Variants in PRKN observed in about 807,000 individuals in gnomAD.
The protein encoded by PRKN is E3 ubiquitin-protein ligase parkin.
PRKN carries 56 observed loss-of-function variants against 59.5 expected under a neutral mutation model. The observed-to-expected ratio is 0.94, with a 90% CI of 0.76 to 1.18. The LOEUF (loss-of-function observed/expected upper bound fraction) is 1.18, where lower values mean the gene tolerates loss of function less well. Ranked by LOEUF, PRKN falls within the 50% of genes most tolerant of loss-of-function variation. The pLI is 0.00. For synonymous variants in PRKN, 250 were observed against 222.1 expected (o/e 1.13, Z -1.12); for missense variants, 657 against 596.4 (o/e 1.10, Z -1.06).
intron 3 of PRKN, among the ~76,000 whole-genome samples, chr6:162,235,961 G>GAAAGAAAGAAAAAGAAAGAAAGAAAGA (rs1562602263): frequency 5.5e-5 from 3 of 54,356 alleles, no homozygotes; most frequent in African/African-American, 2.7e-4. Context: ...AAGAAAGGAA[G>GAAAGAAAGAAAAAGAAAGAAAGAAAGA]AAAGAAAGAA....
At chr6:161,786,697 C>T (rs1380101064) in intron 6 of PRKN, among the ~76,000 whole-genome samples, 3 of 151,948 alleles carry the variant, frequency 2.0e-5, no homozygotes, top group East Asian at 3.9e-4. Context: ...AAAGTAAAAA[C>T]GTTAAACATT....
At chr6:162,226,635 G>A (rs923650134) in intron 3 of PRKN, among the ~76,000 whole-genome samples, 7 of 152,190 alleles carry the variant, frequency 4.6e-5, no homozygotes, top group Non-Finnish European at 8.8e-5. Context: ...CTGGGTTCAA[G>A]CGATTCTCCT....
At chr6:162,088,869 T>A (rs760790288) in intron 4 of PRKN, among the ~76,000 whole-genome samples, 1 of 152,128 alleles carries the variant, frequency 6.6e-6, no homozygotes, top group Non-Finnish European at 1.5e-5. Flanking sequence ...TGCAAAAGAA[T>A]GAAGCTGAGT....
chr6:161,412,956 G>A (rs778314129), intron 9 of PRKN, among the ~76,000 whole-genome samples: 4 of 152,172 alleles, frequency 2.6e-5, no homozygotes, highest in South Asian at 2.1e-4. Flanking sequence ...AGCTATGCAC[G>A]TGTCCCTGTG....
intron 2 of PRKN, among the ~76,000 whole-genome samples, chr6:162,346,214 G>T (rs1031325907): frequency 1.3e-5 from 2 of 152,062 alleles, no homozygotes; most frequent in Non-Finnish European, 2.9e-5. Context: ...CCTTTCAGTG[G>T]ACTGGTCATA....
At chr6:161,656,183 C>T (rs763260527) in intron 7 of PRKN, among the ~76,000 whole-genome samples, 2 of 152,204 alleles carry the variant, frequency 1.3e-5, no homozygotes, top group Admixed American at 6.5e-5. Context: ...CCAAACCATT[C>T]GGTCAAGGAG....
intron 4 of PRKN, among the ~76,000 whole-genome samples, chr6:162,155,555 C>T (rs763260850): frequency 5.9e-5 from 9 of 152,114 alleles, no homozygotes; most frequent in East Asian, 3.9e-4. Context: ...TGAATTTCAG[C>T]GTCAGAGACA....
chr6:162,088,796 C>T (rs1382169923), intron 4 of PRKN, among the ~76,000 whole-genome samples: 3 of 152,068 alleles, frequency 2.0e-5, no homozygotes, highest in Admixed American at 6.6e-5. Context: ...ATATTTGATT[C>T]GTTTTCAACA....
intron 6 of PRKN, among the ~76,000 whole-genome samples, chr6:161,917,520 G>T (rs1778615821): frequency 6.6e-6 from 1 of 152,128 alleles, no homozygotes; most frequent in Non-Finnish European, 1.5e-5. Flanking sequence ...TAGTAATAAG[G>T]TTTTACATGA....
At chr6:162,051,973 C>T (rs1041362079) in intron 5 of PRKN, among the ~76,000 whole-genome samples, 5 of 152,148 alleles carry the variant, frequency 3.3e-5, no homozygotes, top group African/African-American at 1.2e-4. Flanking sequence ...ACTGTGGTAT[C>T]CAAAGTGGGC....
At position 162,247,515 on chromosome 6, in the gene PRKN, T is replaced by C. The variant is rs185783008; in HGVS notation, c.412+15010A>G. Among the ~76,000 whole-genome samples, 6 of 152,266 alleles carry C rather than the reference T, an allele frequency of 3.9e-5. No individual in the cohort carries two copies. The East Asian group carries it at 9.7e-4, about 25-fold the overall frequency. ...TATATTAAAATTCACCTAATTTTGA[T>C]TGGCTTATTTGTGAGATAAATTAAG... On this transcript the variant is annotated intron_variant, in intron 3 of 11. Transcript: ENST00000366898.
rs1202695967 is a variant in PRKN at position 161,588,011 on chromosome 6, C to T, written c.872-18595G>A. Among the ~76,000 whole-genome samples, 1 of 152,118 alleles carries T rather than the reference C, an allele frequency of 6.6e-6. No homozygotes were observed. The highest frequency in any genetic ancestry group is 1.5e-5 in the Non-Finnish European group (1 of 68,028). Reference sequence around the variant, plus strand: ...TTCAAAATTCAGAGTAAAATTTTAGCTCTTGGGACTGCTACAGAAATATTC... The same window carrying T: ...TTCAAAATTCAGAGTAAAATTTTAGTTCTTGGGACTGCTACAGAAATATTC... On this transcript the variant is annotated intron_variant, in intron 7 of 11. Coordinates refer to ENST00000366898, the MANE Select transcript of PRKN (RefSeq NM_004562.3). The surrounding 1 kb of genome is among the most constrained non-coding windows in gnomAD (Gnocchi z 5.0).
chr6:161,988,359 G>A (rs188104652), intron 5 of PRKN, among the ~76,000 whole-genome samples: 8 of 151,976 alleles, frequency 5.3e-5, no homozygotes, highest in South Asian at 2.1e-4. Context: ...GTAGTGGGGC[G>A]CGCATGTAAT....
chr6:162,580,512 C>T (rs1270567263), intron 1 of PRKN, among the ~76,000 whole-genome samples: 2 of 150,386 alleles, frequency 1.3e-5, no homozygotes, highest in Non-Finnish European at 3.0e-5. Flanking sequence ...TAGGTGTGAC[C>T]AATCTAGCAT....
intron 6 of PRKN, among the ~76,000 whole-genome samples, chr6:161,904,245 G>GA (rs375398017): frequency 6.6e-6 from 1 of 150,940 alleles, no homozygotes; most frequent in African/African-American, 2.4e-5. Context: ...AGTTTGGGGG[G>GA]AAAAAAATAG....
At chr6:161,703,351 T>C (rs2128179640) in intron 7 of PRKN, among the ~76,000 whole-genome samples, 1 of 152,258 alleles carries the variant, frequency 6.6e-6, no homozygotes, top group East Asian at 1.9e-4. Flanking sequence ...AAAGGAGATA[T>C]ATAAATGGCA....
chr6:162,489,902 C>T (rs1443218001), intron 1 of PRKN, among the ~76,000 whole-genome samples: 2 of 152,168 alleles, frequency 1.3e-5, no homozygotes, highest in African/African-American at 4.8e-5. Context: ...TCCCCAATTT[C>T]CTTGGGGTAA....
chr6:161,762,656 A>C (rs1472934080), intron 7 of PRKN, among the ~76,000 whole-genome samples: 1 of 152,230 alleles, frequency 6.6e-6, no homozygotes, highest in Non-Finnish European at 1.5e-5. Context: ...CGGTGGCCAC[A>C]TGTGAAGTTT....
intron 9 of PRKN, among the ~76,000 whole-genome samples, chr6:161,404,530 C>T (rs951735425): frequency 3.7e-4 from 57 of 152,268 alleles, no homozygotes; most frequent in African/African-American, 9.4e-4. Context: ...AGCCACTGAA[C>T]GCAGTTTCTT....
Sources: gnomAD v4.1 joint callset for allele counts (sites outside exome capture counted in the v4.1 genomes callset) on GRCh38, gnomAD v4.1.1 for gene constraint, Gnocchi (gnomAD v3.1) non-coding constraint, MANE v1.5 for transcripts, NCBI Gene and HGNC (gene_info 2026-07-23, HGNC 2026-07-21) for gene names.